The following DCC variants were observed in gnomAD, a reference collection of about 807,000 sequenced individuals.
DCC encodes DCC netrin 1 receptor, also known as netrin receptor DCC.
A neutral mutation model predicts 172.5 loss-of-function variants in DCC; 58 were observed. That is an observed-to-expected ratio of 0.34 (90% CI 0.27 to 0.42). The LOEUF (loss-of-function observed/expected upper bound fraction) is 0.42. Ranked by LOEUF, DCC falls within the 10% of genes least tolerant of loss-of-function variation. The pLI, the probability that DCC is intolerant of heterozygous loss-of-function variation, is 1.00. For synonymous variants in DCC, 709 were observed against 644.5 expected (o/e 1.10, Z -1.52); for missense variants, 1,740 against 1,791.0 (o/e 0.97, Z 0.51).
chr18:53,303,974 C>T (rs1245089248), intron 12 of DCC, among the ~76,000 whole-genome samples: 1 of 152,118 alleles, frequency 6.6e-6, no homozygotes, highest in Admixed American at 6.5e-5. Context: ...GGAAGATGAT[C>T]TTCCCCTGGA....
chr18:53,443,050 C>CT (rs1912371327), intron 22 of DCC, among the ~76,000 whole-genome samples: 1 of 152,164 alleles, frequency 6.6e-6, no homozygotes, highest in Non-Finnish European at 1.5e-5. Context: ...GATATAGAAG[C>CT]TGCAGGAAGT....
chr18:52,721,753 A>G (rs141741222), intron 1 of DCC, among the ~76,000 whole-genome samples: 378 of 152,324 alleles, frequency 2.5e-3, no homozygotes, highest in African/African-American at 8.3e-3. Context: ...GGCCAGGCAC[A>G]GTGGCTCATG....
At chr18:53,113,663 T>G (rs944756948) in intron 7 of DCC, among the ~76,000 whole-genome samples, 1 of 151,142 alleles carries the variant, frequency 6.6e-6, no homozygotes, top group Non-Finnish European at 1.5e-5. Flanking sequence ...AGAATGTAGA[T>G]TACTTTCAGA....
chr18:53,431,471 T>C (rs933998337), intron 21 of DCC, among the ~76,000 whole-genome samples: 6 of 129,632 alleles, frequency 4.6e-5, no homozygotes, highest in African/African-American at 1.5e-4. Flanking sequence ...CACTTTGTTT[T>C]TTGTTGTTGT....
chr18:53,300,737 A>G (rs2057123521), intron 12 of DCC, among the ~76,000 whole-genome samples: 1 of 152,200 alleles, frequency 6.6e-6, no homozygotes, highest in Non-Finnish European at 1.5e-5. Flanking sequence ...TATACAGAAA[A>G]TAACAAAGTA....
chr18:53,442,110 A>G (rs1568134643), intron 22 of DCC, among the ~76,000 whole-genome samples: 1 of 152,124 alleles, frequency 6.6e-6, no homozygotes, highest in Non-Finnish European at 1.5e-5. Flanking sequence ...ACCTCTCTAC[A>G]TGAATCTTTC....
chr18:53,022,549 G>GTT (rs1380923112), intron 5 of DCC, among the ~76,000 whole-genome samples: 1 of 147,608 alleles, frequency 6.8e-6, no homozygotes, highest in African/African-American at 2.4e-5. Context: ...ATGTGCGTGT[G>GTT]TGTGTGTGTG....
chr18:53,349,048 A>T (rs2057757750), intron 15 of DCC, among the ~76,000 whole-genome samples: 1 of 152,164 alleles, frequency 6.6e-6, no homozygotes, highest in South Asian at 2.1e-4. Context: ...CTTTGCTATC[A>T]CATTGTCTGG....
chr18:53,406,967 A>G (rs570657021), intron 19 of DCC, among the ~76,000 whole-genome samples: 10 of 152,270 alleles, frequency 6.6e-5, no homozygotes, highest in African/African-American at 2.4e-4. Flanking sequence ...AGAAAAGGGT[A>G]GGCTTCACCA....
chr18:52,569,559 A>G (rs911887987), intron 1 of DCC, among the ~76,000 whole-genome samples: 1 of 152,210 alleles, frequency 6.6e-6, no homozygotes, highest in African/African-American at 2.4e-5. Context: ...GCTTGTGTTG[A>G]AGGGAGTCTC....
chr18:52,504,720 C>A (rs2031165979), intron 1 of DCC, among the ~76,000 whole-genome samples: 1 of 152,104 alleles, frequency 6.6e-6, no homozygotes. Context: ...ACACTCTCTC[C>A]TCCTGCTTCC....
rs560801111 is a variant in DCC at position 53,339,238 on chromosome 18, A to G, written c.2165-475A>G. On this transcript the variant is annotated intron_variant, in intron 14 of 28. Coordinates refer to ENST00000442544, the MANE Select transcript of DCC (RefSeq NM_005215.4). ...GTACCATCCTAATCATGCTGGACAG[A>G]TCATGGCCCTTAACTGTTTCTCCTG... 2.6e-5 allele frequency among the ~76,000 whole-genome samples: 4 copies of G among 152,350 alleles called. No homozygotes were observed. The South Asian group carries it at 8.3e-4, about 32-fold the overall frequency.
intron 1 of DCC, among the ~76,000 whole-genome samples, chr18:52,599,044 T>G (rs2033964902): frequency 6.6e-6 from 1 of 152,134 alleles, no homozygotes; most frequent in South Asian, 2.1e-4. Context: ...ACTGTTGCAT[T>G]GGGGATTAAG....
At chr18:53,005,482 C>T (rs748842383) in intron 5 of DCC, among the ~76,000 whole-genome samples, 1 of 152,230 alleles carries the variant, frequency 6.6e-6, no homozygotes, top group Non-Finnish European at 1.5e-5. Flanking sequence ...ACCTGTAATC[C>T]CAACACTTTG....
Position 53,063,476 on chromosome 18 carries a change from A to T in DCC, c.1140+17A>T. 1 of 1,573,180 alleles carries T rather than the reference A, an allele frequency of 6.4e-7. No homozygotes were observed. The highest frequency in any genetic ancestry group is 8.7e-7 in the Non-Finnish European group (1 of 1,144,186). ...CAGATAGTGGTAATTATTTTGTTTCATATTTGTTTTATAATCCCATTCATT... is the reference window on the plus strand; with the variant it reads ...CAGATAGTGGTAATTATTTTGTTTCTTATTTGTTTTATAATCCCATTCATT... On this transcript the variant is annotated intron_variant, in intron 6 of 28. Coordinates refer to ENST00000442544, the MANE Select transcript of DCC (RefSeq NM_005215.4).
In DCC at chr18:53,366,087, A is replaced by C. The variant is rs559753611; in HGVS notation, c.2360-19956A>C. ...GTTTTTTTTTTTGAGACAGGGTTTC[A>C]CTCTTACTGCCCAGGCTGGAGTGCA... On this transcript the variant is annotated intron_variant, in intron 15 of 28. Coordinates refer to ENST00000442544, the MANE Select transcript of DCC (RefSeq NM_005215.4). Among the ~76,000 whole-genome samples, 24 of 151,152 alleles carry C rather than the reference A, an allele frequency of 1.6e-4. No individual in the cohort carries two copies. The South Asian group carries it at 2.7e-3, about 17-fold the overall frequency.
rs1189655682 is a variant in DCC, at chr18:52,759,983, G to A, written c.412+7609G>A. On this transcript the variant is annotated intron_variant, in intron 2 of 28. Coordinates refer to ENST00000442544, the MANE Select transcript of DCC (RefSeq NM_005215.4). ...GCATAGACAAATGGAAATAAACTGG[G>A]GGAACTTGAGTAAGGTCTGATTGTT... Among the ~76,000 whole-genome samples the A allele has an allele frequency of 3.9e-5, 6 of 152,246 alleles. No homozygotes were observed. The East Asian group carries it at 1.2e-3, about 29-fold the overall frequency.
At chr18:53,328,576 C>T (rs533735169) in intron 14 of DCC, among the ~76,000 whole-genome samples, 62 of 152,192 alleles carry the variant, frequency 4.1e-4, no homozygotes, top group African/African-American at 1.4e-3. Context: ...GCTCTGTCAC[C>T]AAGGCTGGAG....
At chr18:53,453,458 ATTTTTCT>A (rs948425538) in intron 23 of DCC, among the ~76,000 whole-genome samples, 2 of 150,802 alleles carry the variant, frequency 1.3e-5, no homozygotes, top group African/African-American at 5.0e-5. Flanking sequence ...GAGAATATAA[ATTTTTCT>A]TTATGTTTTT....
Sources: gnomAD v4.1 joint callset for allele counts (sites outside exome capture counted in the v4.1 genomes callset) on GRCh38, gnomAD v4.1.1 for gene constraint, MANE v1.5 for transcripts, NCBI Gene and HGNC (gene_info 2026-07-23, HGNC 2026-07-21) for gene names.